UPP2: variants seen among roughly 807,000 people sequenced by gnomAD.
UPP2 encodes uridine phosphorylase 2, also known as UPase 2.
UPP2 carries 23 observed loss-of-function variants against 26.7 expected under a neutral mutation model. That is an observed-to-expected ratio of 0.86 (90% confidence interval 0.62 to 1.22). The LOEUF is 1.22. Ranked by LOEUF, UPP2 falls within the 50% of genes most tolerant of loss-of-function variation. UPP2 has a pLI of 0.00. For missense variants in UPP2, 387 were observed against 396.7 expected (o/e 0.98, Z 0.21); for synonymous variants, 127 against 141.3 (o/e 0.90, Z 0.72).
At chr2:157,995,353 G>T (rs1683308862) in intron 2 of UPP2, 2 of 1,387,198 alleles carry the variant, frequency 1.4e-6, no homozygotes, top group Non-Finnish European at 1.0e-6. Context: ...GAATTATGTG[G>T]TTGATGTTTT....
intron 2 of UPP2, among the ~76,000 whole-genome samples, chr2:158,012,503 A>G (rs10175465): frequency 0.88 from 132,801 of 151,756 alleles, 58,478 homozygotes; most frequent in East Asian, 0.99. Flanking sequence ...CCTGACCTCA[A>G]GTGATCCACC....
intron 4 of UPP2, among the ~76,000 whole-genome samples, chr2:158,120,674 T>C (rs1433074504): frequency 6.6e-6 from 1 of 151,994 alleles, no homozygotes; most frequent in Non-Finnish European, 1.5e-5. Flanking sequence ...GGGTCAAAAA[T>C]GGGCCTGGGG....
intron 3 of UPP2, among the ~76,000 whole-genome samples, chr2:158,044,593 G>T (rs893910663): frequency 6.6e-6 from 1 of 152,116 alleles, no homozygotes. Flanking sequence ...AGTGACACTC[G>T]TGTGCACAAT....
At chr2:158,085,614 A>G (rs1302185589) in intron 3 of UPP2, among the ~76,000 whole-genome samples, 2 of 152,084 alleles carry the variant, frequency 1.3e-5, no homozygotes, top group South Asian at 4.1e-4. Flanking sequence ...CTTTTCCCCT[A>G]TCGGTATAAT....
chr2:157,995,391 CA>C (rs1683309393), intron 2 of UPP2: 3 of 995,628 alleles, frequency 3.0e-6, no homozygotes, highest in Admixed American at 4.3e-5. Flanking sequence ...TCAACTGGCA[CA>C]AATAATTAAG....
At chr2:158,030,986 C>T (rs145213930) in intron 3 of UPP2, among the ~76,000 whole-genome samples, 27 of 152,146 alleles carry the variant, frequency 1.8e-4, no homozygotes, top group South Asian at 4.1e-4. Flanking sequence ...CCAGTCAGTT[C>T]CCTCAACTTT....
chr2:158,052,783 T>C (rs1478391210), intron 3 of UPP2, among the ~76,000 whole-genome samples: 1 of 152,210 alleles, frequency 6.6e-6, no homozygotes, highest in Non-Finnish European at 1.5e-5. Flanking sequence ...ATGTTTTCTG[T>C]AAAGTCCCAG....
At chr2:158,058,489 C>T (rs549388078) in intron 3 of UPP2, among the ~76,000 whole-genome samples, 3 of 146,002 alleles carry the variant, frequency 2.1e-5, no homozygotes, top group East Asian at 2.1e-4. Context: ...GAGGACACAA[C>T]GAGAAGGTGG....
chr2:158,088,750 C>T (rs1291624031), intron 3 of UPP2, among the ~76,000 whole-genome samples: 1 of 152,178 alleles, frequency 6.6e-6, no homozygotes. Flanking sequence ...TGTAATTTCT[C>T]TTCGGGATCT....
At chr2:158,132,832 A>G (rs1683848072) in intron 6 of UPP2, among the ~76,000 whole-genome samples, 1 of 152,206 alleles carries the variant, frequency 6.6e-6, no homozygotes, top group African/African-American at 2.4e-5. Flanking sequence ...GTGTCGCTTC[A>G]CACCTGCTAG....
intron 2 of UPP2, among the ~76,000 whole-genome samples, chr2:158,106,594 T>C (rs1365416859): frequency 2.6e-5 from 4 of 152,166 alleles, no homozygotes; most frequent in Non-Finnish European, 5.9e-5. Context: ...CTCATAAAAA[T>C]AACCCAACAA....
At chr2:158,055,246 C>G (rs1682228483) in intron 3 of UPP2, among the ~76,000 whole-genome samples, 1 of 152,144 alleles carries the variant, frequency 6.6e-6, no homozygotes, top group Admixed American at 6.5e-5. Flanking sequence ...TGCTAATGTG[C>G]TGGTTCGGGT....
chr2:158,109,585 G>A (rs903298528), intron 2 of UPP2, among the ~76,000 whole-genome samples: 1 of 152,146 alleles, frequency 6.6e-6, no homozygotes, highest in African/African-American at 2.4e-5. Flanking sequence ...CTTGTAGGAT[G>A]GGAGATTTCT....
intron 3 of UPP2, among the ~76,000 whole-genome samples, chr2:158,081,917 T>C (rs991102113): frequency 2.0e-5 from 3 of 151,710 alleles, no homozygotes; most frequent in Non-Finnish European, 2.9e-5. Flanking sequence ...TTTCAATAGG[T>C]TTTTGGGGAA....
At chr2:158,118,628 G>A (rs142222313) in intron 4 of UPP2, among the ~76,000 whole-genome samples, 100 of 152,018 alleles carry the variant, frequency 6.6e-4, no homozygotes, top group African/African-American at 2.4e-3. Context: ...ATCTTGTCAG[G>A]GTATGATTTT....
At chr2:158,029,907 G>A (rs1224382754) in intron 3 of UPP2, among the ~76,000 whole-genome samples, 1 of 151,488 alleles carries the variant, frequency 6.6e-6, no homozygotes, top group East Asian at 1.9e-4. Flanking sequence ...ATGCGTTTTA[G>A]AAAGCAGGCA....
intron 3 of UPP2, among the ~76,000 whole-genome samples, chr2:158,026,300 T>C (rs1683832083): frequency 6.6e-6 from 1 of 152,072 alleles, no homozygotes; most frequent in African/African-American, 2.4e-5. Flanking sequence ...TTTCTAGAAA[T>C]ATGCCTTCAG....
rs10933456 is a variant in UPP2 at position 158,058,121 on chromosome 2, G to A, written c.147+42235G>A. ...ATCCTAGCTAACACGATGAAACTCCGTCTCTACTAAAAATACAAAAAATTA... is the reference window on the plus strand; with the variant it reads ...ATCCTAGCTAACACGATGAAACTCCATCTCTACTAAAAATACAAAAAATTA... On this transcript the variant is annotated intron_variant, in intron 3 of 9. Transcript: ENST00000605860. Among the ~76,000 whole-genome samples, 754 of 151,962 alleles carry A rather than the reference G, an allele frequency of 5.0e-3. 4 individuals carry two copies. The highest frequency in any genetic ancestry group is 0.014 in the Middle Eastern group (4 of 292).
At chr2:158,083,318 A>G (rs1249320106) in intron 3 of UPP2, among the ~76,000 whole-genome samples, 2 of 152,248 alleles carry the variant, frequency 1.3e-5, no homozygotes, top group East Asian at 3.8e-4. Context: ...AATGTCCATC[A>G]ATGATAGACT....
Sources: gnomAD v4.1 joint callset for allele counts (sites outside exome capture counted in the v4.1 genomes callset) on GRCh38, gnomAD v4.1.1 for gene constraint, MANE v1.5 for transcripts, NCBI Gene and HGNC (gene_info 2026-07-23, HGNC 2026-07-21) for gene names.